The following GALNT2 variants were observed in gnomAD, a reference collection of about 807,000 sequenced individuals.
GALNT2 encodes polypeptide N-acetylgalactosaminyltransferase 2, also known as UDP-GalNAc:polypeptide N-acetylgalactosaminyltransferase 2.
GALNT2 carries 31 observed loss-of-function variants against 81.4 expected under a neutral mutation model. The ratio of observed to expected loss-of-function variants is 0.38; its 90% CI spans 0.29 to 0.51. The LOEUF is 0.51. Ranked by LOEUF, GALNT2 falls within the 20% of genes least tolerant of loss-of-function variation. GALNT2 has a pLI of 0.87. For synonymous variants in GALNT2, 303 were observed against 287.4 expected, an observed-to-expected ratio of 1.05 and a Z score of -0.55; for missense variants, 629 against 765.7, an observed-to-expected ratio of 0.82 and a Z score of 2.11.
At chr1:230,149,171 G>C (rs1662017920) in intron 1 of GALNT2, among the ~76,000 whole-genome samples, 1 of 152,224 alleles carries the variant, frequency 6.6e-6, no homozygotes, top group Non-Finnish European at 1.5e-5. Flanking sequence ...GTGAGCCACT[G>C]AGCCTAGCCT....
At chr1:230,086,643 C>G (rs1206782228) in intron 1 of GALNT2, among the ~76,000 whole-genome samples, 1 of 152,138 alleles carries the variant, frequency 6.6e-6, no homozygotes, top group African/African-American at 2.4e-5. Context: ...CCTTGGCTCA[C>G]CCCTGCTCAG....
chr1:230,185,660 T>G (rs571258782), intron 2 of GALNT2, among the ~76,000 whole-genome samples: 1 of 152,210 alleles, frequency 6.6e-6, no homozygotes, highest in Non-Finnish European at 1.5e-5. Flanking sequence ...TGGCAGGCCT[T>G]ATTAATAAGA....
chr1:230,111,394 GTT>G (rs775138238), intron 1 of GALNT2, among the ~76,000 whole-genome samples: 2 of 152,236 alleles, frequency 1.3e-5, no homozygotes, highest in Non-Finnish European at 2.9e-5. Context: ...ACACAAGTGT[GTT>G]TGCATACATG....
rs558962627 is a variant in GALNT2 at position 230,070,034 on chromosome 1, A to G, written c.126+2628A>G. ...CCCTGCCTGTTAAGTAACTCATCAC[A>G]GAACTGTTATTCTCCACTTGGCAAA... is the stretch of plus-strand genomic sequence containing the variant. On this transcript the variant is annotated intron_variant, in intron 1 of 15. Coordinates refer to ENST00000366672, the MANE Select transcript of GALNT2 (RefSeq NM_004481.5). This position sits in a 1 kb window ranked among gnomAD's most constrained non-coding sequence, Gnocchi z 4.7. Among the ~76,000 whole-genome samples the G allele has an allele frequency of 2.6e-4, 40 of 152,304 alleles. 1 individual carries two copies. The Middle Eastern group carries it at 0.017, about 65-fold the overall frequency.
intron 1 of GALNT2, among the ~76,000 whole-genome samples, chr1:230,069,266 T>G (rs6541264): frequency 0.14 from 20,859 of 148,766 alleles, 1,836 homozygotes; most frequent in East Asian, 0.34. Flanking sequence ...AGTTTGTTTT[T>G]TTTTGTTTTG....
chr1:230,067,877 CT>C (rs1659247383), intron 1 of GALNT2, among the ~76,000 whole-genome samples: 2 of 152,232 alleles, frequency 1.3e-5, no homozygotes, highest in African/African-American at 2.4e-5. Flanking sequence ...CCCTTTCCCC[CT>C]GTCACTCCGC....
intron 1 of GALNT2, among the ~76,000 whole-genome samples, chr1:230,156,704 C>G (rs1662268179): frequency 6.6e-6 from 1 of 152,098 alleles, no homozygotes; most frequent in African/African-American, 2.4e-5. Context: ...CAATGTGGAA[C>G]TCGGGGCCAT....
At chr1:230,181,174 G>C (rs1274615785) in intron 2 of GALNT2, among the ~76,000 whole-genome samples, 1 of 152,008 alleles carries the variant, frequency 6.6e-6, no homozygotes, top group African/African-American at 2.4e-5. Flanking sequence ...CCTTGTTCCT[G>C]ATCTTAGTGG....
chr1:230,275,295 TTTATAC>T lies in GALNT2; in HGVS notation c.1560+732_1560+737del, dbSNP rs1446738859. Reference sequence around the variant, plus strand: ...TGTATACGTATATATAGATGCCACATTTATACATATATAAACGCCACATATATATAC... The same window carrying T: ...TGTATACGTATATATAGATGCCACATATATATAAACGCCACATATATATAC... On this transcript the variant is annotated intron_variant, in intron 15 of 15. Transcript: ENST00000366672. This position sits in a 1 kb window ranked among gnomAD's most constrained non-coding sequence, Gnocchi z 5.5. Among the ~76,000 whole-genome samples the T allele has an allele frequency of 6.6e-6, 1 of 151,542 alleles. No individual in the cohort carries two copies. Among genetic ancestry groups the T allele is most frequent in the Non-Finnish European group, 1.5e-5 (1 of 67,830 alleles).
chr1:230,136,894 T>C (rs1328793860), intron 1 of GALNT2, among the ~76,000 whole-genome samples: 1 of 152,208 alleles, frequency 6.6e-6, no homozygotes, highest in African/African-American at 2.4e-5. Flanking sequence ...CATTTTGCTT[T>C]TCCCGCAGTT....
rs376094987 is a variant in GALNT2, at chr1:230,058,251, C to A, written n.89+173C>A. ...TGGGCTGGTGAAGCATCAGCAGAGG[C>A]CGTAGTGCTATGAGTGCTGGCTGGC... On this transcript the variant is annotated intron_variant and non_coding_transcript_variant, in intron 1 of 6. Coordinates refer to the GALNT2 transcript ENST00000494106. 2.7e-3 allele frequency among the ~76,000 whole-genome samples: 418 copies of A among 152,258 alleles called. 2 individuals are homozygous for A. The highest frequency in any genetic ancestry group is 9.6e-3 in the African/African-American group (400 of 41,538).
chr1:230,198,783 G>A (rs1374578472), intron 2 of GALNT2, among the ~76,000 whole-genome samples: 2 of 152,162 alleles, frequency 1.3e-5, no homozygotes, highest in African/African-American at 4.8e-5. Context: ...TGGTTTCAAA[G>A]ACCACATCTA....
intron 11 of GALNT2, chr1:230,258,582 A>G (rs527667197): frequency 6.6e-6 from 1 of 152,310 alleles, no homozygotes; most frequent in Non-Finnish European, 1.5e-5. Context: ...CAGAAGTCAG[A>G]TTTTTCACAT....
intron 1 of GALNT2, among the ~76,000 whole-genome samples, chr1:230,109,945 G>T (rs578080588): frequency 1.3e-5 from 2 of 152,290 alleles, no homozygotes; most frequent in Admixed American, 1.3e-4. Flanking sequence ...TCTGGGACGC[G>T]TAGGTCTCTC....
intron 2 of GALNT2, among the ~76,000 whole-genome samples, chr1:230,186,610 A>ACCCTCTCTC (rs1356161998): frequency 6.6e-6 from 1 of 152,194 alleles, no homozygotes; most frequent in Non-Finnish European, 1.5e-5. Flanking sequence ...TTTCAGGCAA[A>ACCCTCTCTC]TAGAGAGAGG....
At chr1:230,166,114 A>C (rs1425774551) in intron 1 of GALNT2, among the ~76,000 whole-genome samples, 4 of 130,512 alleles carry the variant, frequency 3.1e-5, no homozygotes, top group African/African-American at 1.0e-4. Context: ...GTGAAAGAAC[A>C]ATTTGTAATT....
chr1:230,131,483 T>C (rs1316812660), intron 1 of GALNT2, among the ~76,000 whole-genome samples: 1 of 152,192 alleles, frequency 6.6e-6, no homozygotes, highest in Non-Finnish European at 1.5e-5. Flanking sequence ...TGTATTGATT[T>C]ATGACTTTGC....
chr1:230,096,360 T>C (rs1157812126), intron 1 of GALNT2, among the ~76,000 whole-genome samples: 1 of 152,236 alleles, frequency 6.6e-6, no homozygotes, highest in Non-Finnish European at 1.5e-5. Context: ...AAATGTGATA[T>C]ATGTTAATAT....
At position 230,161,281 on chromosome 1, in the gene GALNT2, C is replaced by T. The variant is rs77504500; in HGVS notation, c.127-16937C>T. 3.1e-4 allele frequency among the ~76,000 whole-genome samples: 47 copies of T among 152,324 alleles called. 1 individual carries two copies. The East Asian group carries it at 6.9e-3, about 23-fold the overall frequency. ...TATTGTCTGGGGCTCCTCAACTCTC[C>T]ACATGCCCCAGTAGCATAGACCAGC... On this transcript the variant is annotated intron_variant, in intron 1 of 15. Coordinates refer to ENST00000366672, the MANE Select transcript of GALNT2 (RefSeq NM_004481.5).
Sources: allele counts gnomAD v4.1 joint callset (sites outside exome capture counted in the v4.1 genomes callset), GRCh38; gene constraint gnomAD v4.1.1; non-coding constraint Gnocchi (gnomAD v3.1); transcripts MANE v1.5; gene names NCBI Gene and HGNC (gene_info 2026-07-23, HGNC 2026-07-21).